Variants in SH3BP4 observed in about 807,000 individuals in gnomAD.
The protein encoded by SH3BP4 is SH3 domain-binding protein 4.
SH3BP4 carries 33 observed loss-of-function variants against 65.5 expected under a neutral mutation model. The ratio of observed to expected loss-of-function variants is 0.50; its 90% CI spans 0.38 to 0.67. SH3BP4 has a LOEUF of 0.67. Ranked by LOEUF, SH3BP4 falls within the 30% of genes least tolerant of loss-of-function variation. The pLI, the probability that SH3BP4 is intolerant of heterozygous loss-of-function variation, is 0.00. For missense variants in SH3BP4, 1,134 were observed against 1,261.4 expected (o/e 0.90, Z 1.53); for synonymous variants, 552 against 545.5 (o/e 1.01, Z -0.17).
intron 1 of SH3BP4, among the ~76,000 whole-genome samples, chr2:234,986,503 G>A (rs553188234): frequency 1.3e-5 from 2 of 152,346 alleles, no homozygotes; most frequent in East Asian, 3.9e-4. Flanking sequence ...TTGGAGCCTG[G>A]TCTGGAATCT....
At chr2:235,006,469 G>A (rs561355015) in intron 2 of SH3BP4, among the ~76,000 whole-genome samples, 1 of 152,280 alleles carries the variant, frequency 6.6e-6, no homozygotes, top group South Asian at 2.1e-4. Context: ...CTCCCGGAAA[G>A]AAGCCAGCGG....
At chr2:234,963,944 T>C (rs1692776647) in intron 1 of SH3BP4, among the ~76,000 whole-genome samples, 1 of 152,188 alleles carries the variant, frequency 6.6e-6, no homozygotes, top group Non-Finnish European at 1.5e-5. Flanking sequence ...AAGACTGTAA[T>C]TTGGATCTTG....
At chr2:235,010,813 T>C (rs1863814) in intron 2 of SH3BP4, among the ~76,000 whole-genome samples, 28,612 of 52,340 alleles carry the variant, frequency 0.55, 7,128 homozygotes, top group African/African-American at 0.77. Context: ...TCCTCCCTCT[T>C]CTAGAACCCT....
chr2:234,952,154 G>T lies in SH3BP4; in HGVS notation c.-223G>T, dbSNP rs1692484075. 6.7e-6 allele frequency: 1 copy of T among 149,404 alleles called. No individual in the cohort carries two copies. The highest frequency in any genetic ancestry group is 1.8e-4 in the South Asian group (1 of 5,490). 9.3% of individuals were successfully genotyped at this position (149,404 alleles called of 1,614,324 possible). A position where few individuals can be genotyped will look rare whatever the true frequency, so the allele number is the denominator to read the frequency against. The stretch of plus-strand genomic sequence containing the variant: ...GAGCGGAGCCTCAGGAGCCGGCGGG[G>T]ACGCCATGCGAGCCAGGTAGGCAGG... On this transcript the variant is annotated 5_prime_UTR_variant, in exon 1 of 6. Coordinates refer to ENST00000392011, the MANE Select transcript of SH3BP4 (RefSeq NM_014521.3). The surrounding 1 kb of genome is among the most constrained non-coding windows in gnomAD (Gnocchi z 6.5).
rs756056111 is a variant in SH3BP4, at chr2:235,041,462, G to T, written c.693G>T (p.Pro231=). Residue 231 remains proline (P), a synonymous_variant, in exon 4 of 6, where the codon CCG becomes CCT. Coordinates refer to ENST00000392011, the MANE Select transcript of SH3BP4 (RefSeq NM_014521.3). This position sits in a 1 kb window ranked among gnomAD's most constrained non-coding sequence, Gnocchi z 6.0. The part of the protein sequence containing the change: ...PVTNGLHAEP[P]VRRDNPFFRS... ...CAAACGGACTCCACGCAGAGCCGCC[G>T]GTCAGGCGGGACAACCCCTTCTTCA... is the stretch of plus-strand genomic sequence containing the variant. 2 of 1,614,184 alleles carry T rather than the reference G, an allele frequency of 1.2e-6. No individual in the cohort carries two copies. Among genetic ancestry groups the T allele is most frequent in the African/African-American group, 2.7e-5 (2 of 75,048 alleles).
At chr2:235,006,276 T>C (rs1694291309) in intron 2 of SH3BP4, among the ~76,000 whole-genome samples, 1 of 152,218 alleles carries the variant, frequency 6.6e-6, no homozygotes, top group African/African-American at 2.4e-5. Flanking sequence ...CCTTTTCCTT[T>C]GGGCTGAGCG....
In SH3BP4 at chr2:235,007,062, G is replaced by A. The variant is rs573848854; in HGVS notation, c.-133+11686G>A. ...CGGGTAAAGGATGTCATCTTCCCCC[G>A]GTCAGAATGGAAATGAATTCCATTT... On this transcript the variant is annotated intron_variant, in intron 2 of 5. Transcript: ENST00000392011. Among the ~76,000 whole-genome samples, 19 of 152,192 alleles carry A rather than the reference G, an allele frequency of 1.2e-4. No individual in the cohort carries two copies. The East Asian group carries it at 1.9e-3, about 15-fold the overall frequency.
chr2:235,040,565 T>C (rs1574843246), intron 3 of SH3BP4, among the ~76,000 whole-genome samples: 1 of 151,472 alleles, frequency 6.6e-6, no homozygotes, highest in South Asian at 2.1e-4. Flanking sequence ...AATTTTAACG[T>C]TGCCCAAAAT....
intron 2 of SH3BP4, among the ~76,000 whole-genome samples, chr2:235,000,345 T>C (rs551565955): frequency 1.3e-5 from 2 of 152,318 alleles, no homozygotes; most frequent in South Asian, 2.1e-4. Context: ...TAACATGTTA[T>C]TGATGTGACT....
chr2:235,039,257 G>A (rs1054356537), intron 3 of SH3BP4, among the ~76,000 whole-genome samples: 1 of 152,156 alleles, frequency 6.6e-6, no homozygotes, highest in Admixed American at 6.5e-5. Context: ...CTGTAACCCA[G>A]TTAATGTAAA....
At chr2:235,038,340 T>A (rs1368600222) in intron 3 of SH3BP4, among the ~76,000 whole-genome samples, 769 of 3,520 alleles carry the variant, frequency 0.22, 63 homozygotes, top group African/African-American at 0.38. Context: ...TTATATATAG[T>A]ATATATATTT....
intron 1 of SH3BP4, among the ~76,000 whole-genome samples, chr2:234,992,994 G>A (rs542332997): frequency 6.6e-6 from 1 of 152,304 alleles, no homozygotes; most frequent in South Asian, 2.1e-4. Context: ...TGCCATGTGG[G>A]CTCTGGGTCT....
chr2:234,956,079 G>A (rs1559222090), intron 1 of SH3BP4, among the ~76,000 whole-genome samples: 2 of 152,172 alleles, frequency 1.3e-5, no homozygotes, highest in Non-Finnish European at 2.9e-5. Flanking sequence ...AAAATAGCTT[G>A]TACTCTGAAG....
chr2:235,053,585 C>G lies in SH3BP4; in HGVS notation c.2668-7C>G. On this transcript the variant is annotated splice_region_variant and splice_polypyrimidine_tract_variant and intron_variant, in intron 5 of 5. Coordinates refer to ENST00000392011, the MANE Select transcript of SH3BP4 (RefSeq NM_014521.3). The stretch of plus-strand genomic sequence containing the variant: ...CTCCTTTTGTTTTTTACAACTCCAC[C>G]TCCCAGGCCATGTGGAAGCCTGCGT... The G allele has an allele frequency of 6.2e-7, 1 of 1,611,058 alleles. No individual in the cohort carries two copies. Among genetic ancestry groups the G allele is most frequent in the Non-Finnish European group, 8.5e-7 (1 of 1,177,316 alleles).
chr2:235,044,312 A>C (rs1389070958), intron 4 of SH3BP4, among the ~76,000 whole-genome samples: 2 of 152,232 alleles, frequency 1.3e-5, no homozygotes, highest in Non-Finnish European at 2.9e-5. Context: ...CCACGAGCCA[A>C]CCGGGGAGCA....
rs187360596 is a variant in SH3BP4, at chr2:235,044,578, G to A, written c.2478+1331G>A. ...ACCTTGGCGTGTGCCGCTCTTCCTC[G>A]TTCCTCTGAGCCCGCAGGCTTTCTT... On this transcript the variant is annotated intron_variant, in intron 4 of 5. Coordinates refer to ENST00000392011, the MANE Select transcript of SH3BP4 (RefSeq NM_014521.3). 1.2e-4 allele frequency among the ~76,000 whole-genome samples: 19 copies of A among 152,342 alleles called. No homozygotes were observed. In the East Asian group the frequency reaches 3.5e-3, roughly 28 times the overall value.
rs115657846 is a variant in SH3BP4, at chr2:234,997,576, G to A, written c.-133+2200G>A. Among the ~76,000 whole-genome samples, 3,702 of 152,244 alleles carry A rather than the reference G, an allele frequency of 0.024. 142 individuals carry two copies. The highest frequency in any genetic ancestry group is 0.084 in the African/African-American group (3,486 of 41,528). On this transcript the variant is annotated intron_variant, in intron 2 of 5. Transcript: ENST00000392011. This position sits in a 1 kb window ranked among gnomAD's most constrained non-coding sequence, Gnocchi z 4.2. The stretch of plus-strand genomic sequence containing the variant: ...GCAGAGCACGGCCGATTGCTCCTCC[G>A]GGGAGTGTCAGCTAGGGGACGGAGC...
rs1696159771 is a variant in SH3BP4, at chr2:235,054,302, G to C, written c.*486G>C. 1 of 155,880 alleles carries C rather than the reference G, an allele frequency of 6.4e-6. No individual in the cohort carries two copies. The highest frequency in any genetic ancestry group is 1.4e-5 in the Non-Finnish European group (1 of 70,094). 9.7% of individuals were successfully genotyped at this position (155,880 alleles called of 1,614,324 possible). Reference sequence around the variant, plus strand: ...CTCAGCCCGGAAAGATGCTCGTTCGGTTGTTGGACCTCTTTCACTCCCTGC... The same window carrying C: ...CTCAGCCCGGAAAGATGCTCGTTCGCTTGTTGGACCTCTTTCACTCCCTGC... On this transcript the variant is annotated 3_prime_UTR_variant, in exon 6 of 6. Transcript: ENST00000392011.
At chr2:234,975,654 T>C (rs187568030) in intron 1 of SH3BP4, among the ~76,000 whole-genome samples, 38 of 152,256 alleles carry the variant, frequency 2.5e-4, no homozygotes, top group African/African-American at 8.4e-4. Context: ...AACAGGAGGA[T>C]TCCTTGAGTC....
Sources: allele counts gnomAD v4.1 joint callset (sites outside exome capture counted in the v4.1 genomes callset), GRCh38; gene constraint gnomAD v4.1.1; non-coding constraint Gnocchi (gnomAD v3.1); transcripts MANE v1.5; gene names NCBI Gene and HGNC (gene_info 2026-07-23, HGNC 2026-07-21).